Variants in ASCC3 observed in about 807,000 individuals in gnomAD.
The protein encoded by ASCC3 is ASC-1 complex subunit P200.
Under a neutral mutation model 256.3 loss-of-function variants are expected in ASCC3, and 158 were observed. The observed-to-expected ratio is 0.62, with a 90% confidence interval of 0.54 to 0.70. ASCC3 has a LOEUF of 0.70. Ranked by LOEUF, ASCC3 falls within the 30% of genes least tolerant of loss-of-function variation. The pLI is 0.00. For missense variants in ASCC3, 2,259 were observed against 2,626.0 expected (o/e 0.86, Z 3.05); for synonymous variants, 948 against 883.4 (o/e 1.07, Z -1.30).
chr6:100,547,967 G>T (rs1348733974), intron 36 of ASCC3, among the ~76,000 whole-genome samples: 2 of 151,552 alleles, frequency 1.3e-5, no homozygotes, highest in African/African-American at 2.4e-5. Context: ...AGCAATAAAA[G>T]GAATTAATGA....
intron 36 of ASCC3, among the ~76,000 whole-genome samples, chr6:100,579,734 T>C (rs1020043971): frequency 2.0e-5 from 3 of 152,158 alleles, no homozygotes; most frequent in African/African-American, 4.8e-5. Flanking sequence ...ACTGTAGCCT[T>C]GTAGTATAGT....
chr6:100,542,664 G>C (rs1775517629), intron 36 of ASCC3, among the ~76,000 whole-genome samples: 1 of 151,312 alleles, frequency 6.6e-6, no homozygotes, highest in Non-Finnish European at 1.5e-5. Context: ...CCTGGAGACA[G>C]AGCAAGACTC....
chr6:100,519,300 T>C (rs1175965644), intron 37 of ASCC3, among the ~76,000 whole-genome samples: 1 of 152,154 alleles, frequency 6.6e-6, no homozygotes, highest in African/African-American at 2.4e-5. Context: ...ATGGTCAAAT[T>C]GGTCTTTAGC....
chr6:100,604,434 T>C lies in ASCC3; in HGVS notation c.5177+1134A>G, dbSNP rs1303705778. Among the ~76,000 whole-genome samples, 4 of 151,942 alleles carry C rather than the reference T, an allele frequency of 2.6e-5. No homozygotes were observed. In the East Asian group the frequency reaches 7.7e-4, roughly 29 times the overall value. ...TTTCTAAATTCTTGAGATCAGTACT[T>C]AGACTACTAATTTTTTTTTCTTTTT... On this transcript the variant is annotated intron_variant, in intron 33 of 41. Transcript: ENST00000369162.
At chr6:100,687,034 T>TCTCACACACACA (rs1459889611) in intron 13 of ASCC3, among the ~76,000 whole-genome samples, 2 of 130,564 alleles carry the variant, frequency 1.5e-5, no homozygotes, top group African/African-American at 5.8e-5. Context: ...TCTCTCTCTC[T>TCTCACACACACA]CACACACACA....
intron 7 of ASCC3, 24 bp from the exon 8 acceptor site, chr6:100,798,862 C>A (rs1582880313): frequency 6.3e-7 from 1 of 1,582,932 alleles, no homozygotes. Context: ...CAATAAAAAT[C>A]CAATAATAAT....
chr6:100,745,951 C>G (rs947660479), intron 10 of ASCC3, among the ~76,000 whole-genome samples: 1 of 151,608 alleles, frequency 6.6e-6, no homozygotes, highest in Non-Finnish European at 1.5e-5. Flanking sequence ...ATATATCTAT[C>G]GACATAGATA....
intron 36 of ASCC3, among the ~76,000 whole-genome samples, chr6:100,573,505 T>C (rs1364340681): frequency 2.6e-5 from 4 of 152,126 alleles, no homozygotes; most frequent in Non-Finnish European, 4.4e-5. Context: ...ATATTCTTAA[T>C]TCAACATTAA....
At chr6:100,559,657 C>G (rs188365002) in intron 36 of ASCC3, among the ~76,000 whole-genome samples, 1 of 152,184 alleles carries the variant, frequency 6.6e-6, no homozygotes, top group East Asian at 1.9e-4. Flanking sequence ...TAAGACCAAC[C>G]TGGTCAACAT....
intron 1 of ASCC3, among the ~76,000 whole-genome samples, chr6:100,871,031 C>T (rs1222575958): frequency 6.6e-6 from 1 of 152,116 alleles, no homozygotes; most frequent in Non-Finnish European, 1.5e-5. Context: ...AACAACTTTG[C>T]AGATGATGCA....
chr6:100,719,220 T>A (rs1779213472), intron 11 of ASCC3, among the ~76,000 whole-genome samples: 1 of 152,066 alleles, frequency 6.6e-6, no homozygotes, highest in Non-Finnish European at 1.5e-5. Context: ...ATATATAGTA[T>A]CTTATTATAA....
intron 3 of ASCC3, among the ~76,000 whole-genome samples, chr6:100,854,831 C>G (rs981095841): frequency 6.6e-6 from 1 of 152,188 alleles, no homozygotes; most frequent in South Asian, 2.1e-4. Context: ...GAAATTAAAA[C>G]AAATCATATA....
At chr6:100,564,390 T>G (rs72939364) in intron 36 of ASCC3, among the ~76,000 whole-genome samples, 2,858 of 152,274 alleles carry the variant, frequency 0.019, 49 homozygotes, top group Non-Finnish European at 0.03. Context: ...ACTATTATTC[T>G]ACTCCCTACC....
Position 100,510,115 on chromosome 6 carries a change from C to G in ASCC3, c.6286-8G>C. On this transcript the variant is annotated splice_region_variant and splice_polypyrimidine_tract_variant and intron_variant, in intron 40 of 41. Coordinates refer to ENST00000369162, the MANE Select transcript of ASCC3 (RefSeq NM_006828.4). ...ACAGCTCTCTGGCTTTCCCTGTAAACCAGAAAAAAAGATACAACATTAAAA... is the reference window on the plus strand; with the variant it reads ...ACAGCTCTCTGGCTTTCCCTGTAAAGCAGAAAAAAAGATACAACATTAAAA... 6.2e-7 allele frequency: 1 copy of G among 1,613,924 alleles called. No individual in the cohort carries two copies. Among genetic ancestry groups the G allele is most frequent in the South Asian group, 1.1e-5 (1 of 91,070 alleles).
chr6:100,668,605 C>A (rs1358540171), intron 14 of ASCC3, among the ~76,000 whole-genome samples: 3 of 151,780 alleles, frequency 2.0e-5, no homozygotes, highest in Non-Finnish European at 2.9e-5. Flanking sequence ...ATATTAAAAC[C>A]TGACAAAGCA....
intron 30 of ASCC3, among the ~76,000 whole-genome samples, chr6:100,609,320 C>G (rs879751902): frequency 6.6e-6 from 1 of 151,614 alleles, no homozygotes; most frequent in African/African-American, 2.4e-5. Context: ...AAATAATTAA[C>G]CAATTATTCT....
At chr6:100,856,744 T>G (rs1772962251) in intron 3 of ASCC3, 1 of 152,092 alleles carries the variant, frequency 6.6e-6, no homozygotes, top group Non-Finnish European at 1.5e-5. Context: ...GTTGTATGGC[T>G]TCTTTTGTCA....
At chr6:100,687,307 T>C (rs1281964293) in intron 13 of ASCC3, among the ~76,000 whole-genome samples, 1 of 152,082 alleles carries the variant, frequency 6.6e-6, no homozygotes, top group Non-Finnish European at 1.5e-5. Context: ...AACAATTTTT[T>C]CTTTGTATGT....
At chr6:100,535,823 G>A (rs917011803) in intron 37 of ASCC3, among the ~76,000 whole-genome samples, 5 of 152,094 alleles carry the variant, frequency 3.3e-5, no homozygotes, top group African/African-American at 1.2e-4. Context: ...CTTCCGACAA[G>A]CCAAGCCAAA....
Sources: gnomAD v4.1 joint callset for allele counts (sites outside exome capture counted in the v4.1 genomes callset) on GRCh38, gnomAD v4.1.1 for gene constraint, MANE v1.5 for transcripts, NCBI Gene and HGNC (gene_info 2026-07-23, HGNC 2026-07-21) for gene names.